The following TRDN variants were observed in gnomAD, a reference collection of about 807,000 sequenced individuals.
TRDN encodes triadin in skeletal muscle.
A neutral mutation model predicts 149.7 loss-of-function variants in TRDN; 161 were observed. The ratio of observed to expected loss-of-function variants is 1.08; its 90% CI spans 0.95 to 1.23. TRDN has a LOEUF of 1.23. TRDN is among the 50% of genes most tolerant of loss of function. The pLI, the probability that TRDN is intolerant of heterozygous loss-of-function variation, is 0.00. For synonymous variants in TRDN, 294 were observed against 250.5 expected, an observed-to-expected ratio of 1.17 and a Z score of -1.64; for missense variants, 896 against 823.5, an observed-to-expected ratio of 1.09 and a Z score of -1.08.
At chr6:123,351,482 C>G in intron 21 of TRDN, 1 of 983,834 alleles carries the variant, frequency 1.0e-6, no homozygotes. Flanking sequence ...ATCTACTGAA[C>G]TGTAAAATTT....
intron 9 of TRDN, among the ~76,000 whole-genome samples, chr6:123,467,191 G>C (rs1047294045): frequency 6.6e-6 from 1 of 151,754 alleles, no homozygotes; most frequent in African/African-American, 2.4e-5. Flanking sequence ...AAGGAAAATC[G>C]TATATACTAA....
intron 10 of TRDN, among the ~76,000 whole-genome samples, chr6:123,451,162 T>C (rs1449294085): frequency 6.6e-6 from 1 of 151,636 alleles, no homozygotes. Flanking sequence ...AAAGCAAAAA[T>C]TGACTTCTAA....
At chr6:123,572,874 G>A (rs976784099) in intron 1 of TRDN, among the ~76,000 whole-genome samples, 21 of 152,160 alleles carry the variant, frequency 1.4e-4, no homozygotes, top group African/African-American at 5.1e-4. Context: ...GGATACATAA[G>A]AAAATCTAAA....
chr6:123,582,616 AG>A (rs1783186236), intron 1 of TRDN, among the ~76,000 whole-genome samples: 1 of 152,164 alleles, frequency 6.6e-6, no homozygotes, highest in African/African-American at 2.4e-5. Context: ...AGGCAGGAAC[AG>A]GCCATTTTCA....
chr6:123,283,427 C>T (rs1372063599), intron 24 of TRDN, among the ~76,000 whole-genome samples: 1 of 151,420 alleles, frequency 6.6e-6, no homozygotes, highest in Non-Finnish European at 1.5e-5. Flanking sequence ...CAAGAACAAA[C>T]CAAACCCAAA....
chr6:123,632,854 G>A (rs1408427527), intron 1 of TRDN, among the ~76,000 whole-genome samples: 1 of 151,532 alleles, frequency 6.6e-6, no homozygotes. Flanking sequence ...GTGAATTCTT[G>A]ATTTTTTTTT....
At chr6:123,500,762 A>G (rs1778663223) in intron 8 of TRDN, among the ~76,000 whole-genome samples, 1 of 152,178 alleles carries the variant, frequency 6.6e-6, no homozygotes, top group Non-Finnish European at 1.5e-5. Flanking sequence ...CAGAATGTCA[A>G]GAACAACAAA....
intron 2 of TRDN, among the ~76,000 whole-genome samples, chr6:123,559,965 G>A (rs920198210): frequency 1.2e-4 from 18 of 152,186 alleles, no homozygotes; most frequent in African/African-American, 3.9e-4. Context: ...CAGGCTCAGC[G>A]AATTACCTGG....
At chr6:123,553,222 A>C (rs1459969740) in intron 2 of TRDN, among the ~76,000 whole-genome samples, 1 of 152,092 alleles carries the variant, frequency 6.6e-6, no homozygotes, top group South Asian at 2.1e-4. Flanking sequence ...GTTTCTCCCA[A>C]ACTCTTCAAG....
chr6:123,623,766 C>T (rs1014254780), intron 1 of TRDN, among the ~76,000 whole-genome samples: 4 of 152,032 alleles, frequency 2.6e-5, no homozygotes, highest in African/African-American at 9.7e-5. Flanking sequence ...ATAAGTTCTC[C>T]TCCTTTATGT....
At chr6:123,506,864 A>T (rs1267973164) in intron 7 of TRDN, among the ~76,000 whole-genome samples, 1 of 152,156 alleles carries the variant, frequency 6.6e-6, no homozygotes, top group Non-Finnish European at 1.5e-5. Flanking sequence ...TTATTAAATT[A>T]TACATTTTAT....
chr6:123,612,621 T>C (rs1461735069), intron 1 of TRDN, among the ~76,000 whole-genome samples: 1 of 152,030 alleles, frequency 6.6e-6, no homozygotes, highest in African/African-American at 2.4e-5. Context: ...TATCACAGCT[T>C]TGAACTCCTG....
chr6:123,381,367 T>A lies in TRDN; in HGVS notation c.1186+3A>T. 1.9e-6 allele frequency: 3 copies of A among 1,556,626 alleles called. No homozygotes were observed. Among genetic ancestry groups the A allele is most frequent in the Non-Finnish European group, 2.6e-6 (3 of 1,149,058 alleles). On this transcript the variant is annotated splice_donor_region_variant and intron_variant, in intron 16 of 40. Transcript: ENST00000334268. ...CACAAATACACTGCATGCATTTCCT[T>A]ACTTTTTCCCTTGGGTTGTTCTACT... is the stretch of plus-strand genomic sequence containing the variant.
intron 12 of TRDN, among the ~76,000 whole-genome samples, chr6:123,403,708 A>G (rs1276138310): frequency 6.6e-6 from 1 of 152,194 alleles, no homozygotes; most frequent in Non-Finnish European, 1.5e-5. Flanking sequence ...ACTCTGATCA[A>G]TGATGACACC....
chr6:123,314,017 G>A (rs190488295), intron 24 of TRDN, among the ~76,000 whole-genome samples: 74 of 152,062 alleles, frequency 4.9e-4, no homozygotes, highest in Admixed American at 2.8e-3. Context: ...TTAAACCAAC[G>A]AGCTTCTGCA....
At chr6:123,253,506 T>G (rs1482583891) in intron 37 of TRDN, among the ~76,000 whole-genome samples, 1 of 152,116 alleles carries the variant, frequency 6.6e-6, no homozygotes, top group Non-Finnish European at 1.5e-5. Flanking sequence ...ATGAAATAAA[T>G]AATTTGGAAA....
chr6:123,270,754 C>G (rs1483241856), intron 30 of TRDN, among the ~76,000 whole-genome samples: 1 of 151,784 alleles, frequency 6.6e-6, no homozygotes, highest in Non-Finnish European at 1.5e-5. Context: ...GTAAATTATT[C>G]CAGCTAATTT....
intron 9 of TRDN, among the ~76,000 whole-genome samples, chr6:123,480,665 G>C (rs957739667): frequency 9.9e-5 from 15 of 152,044 alleles, no homozygotes; most frequent in Non-Finnish European, 1.8e-4. Context: ...AATGTGAGGG[G>C]CAACCAGAAA....
chr6:123,412,586 G>T (rs74414725), intron 12 of TRDN, among the ~76,000 whole-genome samples: 2 of 152,092 alleles, frequency 1.3e-5, no homozygotes, highest in Non-Finnish European at 2.9e-5. Flanking sequence ...TAGCTGCCTG[G>T]TGAGATTATG....
Sources: gnomAD v4.1 joint callset for allele counts (sites outside exome capture counted in the v4.1 genomes callset) on GRCh38, gnomAD v4.1.1 for gene constraint, MANE v1.5 for transcripts, NCBI Gene and HGNC (gene_info 2026-07-23, HGNC 2026-07-21) for gene names.